The following NEK3 variants were observed in gnomAD, a reference collection of about 807,000 sequenced individuals.
NEK3 encodes serine/threonine-protein kinase Nek3.
In NEK3, 54 loss-of-function variants were observed where a neutral mutation model predicts 66.0. That is an observed-to-expected ratio of 0.82 (90% confidence interval 0.66 to 1.03). The LOEUF (loss-of-function observed/expected upper bound fraction) is 1.03. Ranked by LOEUF, NEK3 falls within the 50% of genes least tolerant of loss-of-function variation. The probability of loss-of-function intolerance (pLI) is 0.00; values close to 1 mark genes in which losing one functional copy is unlikely to be tolerated. For missense variants in NEK3, 593 were observed against 603.0 expected (o/e 0.98, Z 0.17); for synonymous variants, 200 against 206.2 (o/e 0.97, Z 0.26).
chr13:52,145,803 G>GA, intron 8 of NEK3, among the ~76,000 whole-genome samples: 1 of 152,242 alleles, frequency 6.6e-6, no homozygotes, highest in South Asian at 2.1e-4. Context: ...TAATGCTTAT[G>GA]AAAGAATGTG....
intron 1 of NEK3, among the ~76,000 whole-genome samples, chr13:52,159,013 T>C (rs895246437): frequency 9.2e-5 from 14 of 152,060 alleles, no homozygotes; most frequent in Admixed American, 7.9e-4. Flanking sequence ...CGCCCCGAGT[T>C]TCAGAAGCTC....
Position 52,144,799 on chromosome 13 carries a change from G to A in NEK3, c.696C>T (p.Phe232=). 1 of 1,613,484 alleles carries A rather than the reference G, an allele frequency of 6.2e-7. No individual in the cohort carries two copies. Among genetic ancestry groups the A allele is most frequent in the Non-Finnish European group, 8.5e-7 (1 of 1,179,614 alleles). ...TCCTTTTAAACATCTGCTTGACTAG[G>A]AACTGAAGTTCATAGGAGTAATGAG... is the stretch of plus-strand genomic sequence containing the variant. ...LPSHYSYELQ[F]LVKQMFKRNP... The change falls in exon 9 of 16, where the codon TTC becomes TTT. Residue 232 remains phenylalanine (F), a synonymous_variant. Coordinates refer to ENST00000610828, the MANE Select transcript of NEK3 (RefSeq NM_002498.3).
At chr13:52,159,023 C>G (rs1012323111) in intron 1 of NEK3, among the ~76,000 whole-genome samples, 17 of 152,156 alleles carry the variant, frequency 1.1e-4, no homozygotes, top group Non-Finnish European at 2.1e-4. Context: ...TTCAGAAGCT[C>G]TTGTGATTTC....
Position 52,154,072 on chromosome 13 carries a change from G to A in NEK3, c.211+8C>T, listed in dbSNP as rs369006588. On this transcript the variant is annotated splice_region_variant and intron_variant, in intron 3 of 15. Transcript: ENST00000610828. ...GAAATGCACATATCTGGGGGAATTC[G>A]TATTTACCTTCAAATGATTCTTTGA... The A allele has an allele frequency of 2.0e-5, 32 of 1,607,450 alleles. No homozygotes were observed. The African/African-American group carries it at 2.0e-4, about 10-fold the overall frequency.
Position 52,135,753 on chromosome 13 carries a change from G to T in NEK3, c.1285C>A (p.Gln429Lys). The T allele has an allele frequency of 1.2e-6, 2 of 1,613,446 alleles. No homozygotes were observed. Among genetic ancestry groups the T allele is most frequent in the Non-Finnish European group, 1.7e-6 (2 of 1,179,640 alleles). The change falls in exon 14 of 16, where the codon CAA (glutamine) becomes AAA (lysine). Residue 429 changes from glutamine to lysine, a missense_variant. By Grantham distance (53) the Gln-to-Lys change is moderately conservative. Coordinates refer to ENST00000610828, the MANE Select transcript of NEK3 (RefSeq NM_002498.3). ...LKNADLSLAFQTYTIYRPGSE... is the reference protein window; with the variant it reads ...LKNADLSLAFKTYTIYRPGSE... ...CCTGGTCTATATATTGTGTATGTTT[G>T]AAAAGCCAAGCTGAGATCAGCATTC...
At position 52,143,967 on chromosome 13, in the gene NEK3, C is replaced by T. The variant is rs929752634; in HGVS notation, c.825G>A (p.Glu275=). 7.3e-6 allele frequency: 11 copies of T among 1,503,156 alleles called. No homozygotes were observed. In the African/African-American group the frequency reaches 8.3e-5, roughly 11 times the overall value. 93.1% of individuals were successfully genotyped at this position (1,503,156 alleles called of 1,614,324 possible). A position where few individuals can be genotyped will look rare whatever the true frequency, so the allele number is the denominator to read the frequency against. ...AATTTTTTATTTCTTCTAATACTTC[C>T]TCACCATATTCCATGATGATCTGAA... ...LPPEIIMEYG[E]EVLEEIKNSK... is the part of the protein sequence containing the mutation. Residue 275 remains glutamate, a synonymous_variant, in exon 10 of 16, where the codon GAG becomes GAA. Coordinates refer to ENST00000610828, the MANE Select transcript of NEK3 (RefSeq NM_002498.3).
chr13:52,156,234 A>T lies in NEK3; in HGVS notation c.-43T>A, dbSNP rs758666798. ...GCTGGGCTCCACTCACGCAGTCACC[A>T]TGGGCTCTCCCAAACTGCATTCAAA... On this transcript the variant is annotated 5_prime_UTR_variant, in exon 2 of 16. The change abolishes an upstream ATG in the 5' untranslated region. Coordinates refer to ENST00000610828, the MANE Select transcript of NEK3 (RefSeq NM_002498.3). 1 of 1,204,774 alleles carries T rather than the reference A, an allele frequency of 8.3e-7. No individual in the cohort carries two copies. Among genetic ancestry groups the T allele is most frequent in the Middle Eastern group, 2.1e-4 (1 of 4,808 alleles). 74.6% of individuals were successfully genotyped at this position (1,204,774 alleles called of 1,614,324 possible). A position where few individuals can be genotyped will look rare whatever the true frequency, so the allele number is the denominator to read the frequency against.
chr13:52,150,180 T>C (rs1379350182), intron 7 of NEK3, among the ~76,000 whole-genome samples: 2 of 152,326 alleles, frequency 1.3e-5, no homozygotes, highest in South Asian at 2.1e-4. Flanking sequence ...CAACAGCCTT[T>C]AGGTGTTTCT....
intron 2 of NEK3, among the ~76,000 whole-genome samples, chr13:52,155,405 G>C (rs919103195): frequency 6.6e-6 from 1 of 152,230 alleles, no homozygotes; most frequent in East Asian, 1.9e-4. Flanking sequence ...ATTCTTCACT[G>C]TATTTTTATG....
rs146936497 is a variant in NEK3, at chr13:52,144,047, G to A, written c.805-60C>T. Reference sequence around the variant, plus strand: ...AACATACTTTTCTATAGATACTGCCGTGATGTCATTTCATCATCAGCATTC... The same window carrying A: ...AACATACTTTTCTATAGATACTGCCATGATGTCATTTCATCATCAGCATTC... On this transcript the variant is annotated intron_variant, in intron 9 of 15. Coordinates refer to ENST00000610828, the MANE Select transcript of NEK3 (RefSeq NM_002498.3). 2.0e-3 allele frequency: 1,739 copies of A among 886,722 alleles called. 11 individuals are homozygous for A. Among genetic ancestry groups the A allele is most frequent in the Non-Finnish European group, 1.4e-3 (788 of 577,716 alleles). 54.9% of individuals were successfully genotyped at this position (886,722 alleles called of 1,614,324 possible).
intron 14 of NEK3, among the ~76,000 whole-genome samples, chr13:52,134,137 C>G (rs547474665): frequency 8.5e-5 from 13 of 152,120 alleles, no homozygotes; most frequent in African/African-American, 2.9e-4. Flanking sequence ...CTCAAGAGCT[C>G]CTCCTACCTC....
At chr13:52,134,159 T>A (rs1307908340) in intron 14 of NEK3, among the ~76,000 whole-genome samples, 1 of 152,146 alleles carries the variant, frequency 6.6e-6, no homozygotes, top group African/African-American at 2.4e-5. Flanking sequence ...GTCTCCCAAG[T>A]TGCTGGGACT....
At chr13:52,143,834 T>C (rs1956271213) in intron 10 of NEK3, 81 bp downstream of exon 10, 1 of 767,014 alleles carries the variant, frequency 1.3e-6, no homozygotes, top group Non-Finnish European at 2.1e-6. Context: ...TTCTAATAAC[T>C]TAAAAATTAT....
intron 2 of NEK3, among the ~76,000 whole-genome samples, chr13:52,154,651 T>C (rs1347113391): frequency 6.6e-6 from 1 of 151,798 alleles, no homozygotes; most frequent in Non-Finnish European, 1.5e-5. Flanking sequence ...GGTATATTAC[T>C]GCATCAAGGA....
Position 52,136,862 on chromosome 13 carries a change from A to C in NEK3, c.968T>G (p.Leu323Trp), listed in dbSNP as rs754828825. The C allele has an allele frequency of 6.3e-7, 1 of 1,574,952 alleles. No individual in the cohort carries two copies. Among genetic ancestry groups the C allele is most frequent in the Non-Finnish European group, 8.6e-7 (1 of 1,158,866 alleles). The change falls in exon 12 of 16, where the codon TTG becomes TGG. Residue 323 changes from leucine to tryptophan, a missense_variant. By Grantham distance (61) the Leu-to-Trp change is moderately conservative. Coordinates refer to ENST00000610828, the MANE Select transcript of NEK3 (RefSeq NM_002498.3). ...AACTAAATTTTCATTAATGCTTTCC[A>C]AATCAGTATGGCTACCCTTTCTATC... The part of the protein sequence containing the change: ...EQDRKGSHTD[L>W]ESINENLVES...
In NEK3 at chr13:52,148,559, T is replaced by C. The variant is rs1956313422; in HGVS notation, c.549-90A>G. The C allele has an allele frequency of 7.3e-6, 8 of 1,093,882 alleles. 1 individual carries two copies. The highest frequency in any genetic ancestry group is 8.3e-6 in the Non-Finnish European group (6 of 718,902). 67.8% of individuals were successfully genotyped at this position (1,093,882 alleles called of 1,614,324 possible). A position where few individuals can be genotyped will look rare whatever the true frequency, so the allele number is the denominator to read the frequency against. On this transcript the variant is annotated intron_variant, in intron 7 of 15. Transcript: ENST00000610828. Reference sequence around the variant, plus strand: ...TTCTTACCTTTAATAAGAATAGATATCACAAGTAATTCCTAGGTATTAAAA... The same window carrying C: ...TTCTTACCTTTAATAAGAATAGATACCACAAGTAATTCCTAGGTATTAAAA...
intron 13 of NEK3, 82 bp downstream of exon 13, chr13:52,136,034 A>G: frequency 1.9e-6 from 3 of 1,550,576 alleles, no homozygotes; most frequent in Non-Finnish European, 2.6e-6. Flanking sequence ...CCCTTCACAG[A>G]CATTAAAAGG....
At chr13:52,152,289 G>A (rs2138209602) in intron 5 of NEK3, among the ~76,000 whole-genome samples, 1 of 152,272 alleles carries the variant, frequency 6.6e-6, no homozygotes, top group African/African-American at 2.4e-5. Context: ...AAAAAGTGCT[G>A]AGAGTAGATC....
intron 10 of NEK3, among the ~76,000 whole-genome samples, chr13:52,143,702 A>G (rs2138198395): frequency 6.6e-6 from 1 of 152,348 alleles, no homozygotes; most frequent in African/African-American, 2.4e-5. Flanking sequence ...CGTCACTAAA[A>G]TATCCAAAAC....
Sources: gnomAD v4.1 joint callset for allele counts (sites outside exome capture counted in the v4.1 genomes callset) on GRCh38, gnomAD v4.1.1 for gene constraint, MANE v1.5 for transcripts, NCBI Gene and HGNC (gene_info 2026-07-23, HGNC 2026-07-21) for gene names.